POLR2J: variants seen among roughly 807,000 people sequenced by gnomAD.
POLR2J encodes the protein RNA polymerase II subunit J.
Under a neutral mutation model 13.4 loss-of-function variants are expected in POLR2J, and 12 were observed. The observed-to-expected ratio is 0.90, with a 90% CI of 0.57 to 1.45. The LOEUF is 1.45. Ranked by LOEUF, POLR2J falls within the 40% of genes most tolerant of loss-of-function variation. The pLI is 0.00. For synonymous variants in POLR2J, 31 were observed against 53.6 expected, an observed-to-expected ratio of 0.58 and a Z score of 1.84; for missense variants, 58 against 132.0, an observed-to-expected ratio of 0.44 and a Z score of 2.75.
At chr7:102,474,211 T>A in intron 3 of POLR2J, 150 bp downstream of exon 3, 1 of 1,555,868 alleles carries the variant, frequency 6.4e-7, no homozygotes, top group Non-Finnish European at 8.7e-7. Flanking sequence ...AGTCCACATG[T>A]CCTGGAGCCT....
In POLR2J at chr7:102,478,897, G is replaced by A. The variant is rs750309933; in HGVS notation, c.-37C>T. ...CGTTGCGTCCAGACCCCAAGGGTCC[G>A]CCGCCGCCGCCACCAGAGCCCTAAT... is the stretch of plus-strand genomic sequence containing the variant. On this transcript the variant is annotated 5_prime_UTR_variant, in exon 1 of 4. Transcript: ENST00000292614. The A allele has an allele frequency of 1.3e-5, 19 of 1,459,392 alleles. No individual in the cohort carries two copies. Among genetic ancestry groups the A allele is most frequent in the South Asian group, 1.3e-4 (11 of 84,726 alleles). 90.4% of individuals were successfully genotyped at this position (1,459,392 alleles called of 1,614,324 possible).
Position 102,473,385 on chromosome 7 carries a change from G to A in POLR2J, c.*264C>T, listed in dbSNP as rs941042257. 6.7e-6 allele frequency: 4 copies of A among 593,634 alleles called. No individual in the cohort carries two copies. In the South Asian group the frequency reaches 9.5e-5, roughly 14 times the overall value. The allele number at this position is 593,634 out of a possible 1,614,324, so 36.8% of individuals were successfully genotyped here. On this transcript the variant is annotated 3_prime_UTR_variant, in exon 4 of 4. Coordinates refer to ENST00000292614, the MANE Select transcript of POLR2J (RefSeq NM_006234.6). ...CTGCCAGCCGGACGCCCCTGAAACA[G>A]GTCATCTGCCTGCATCAAGCCTGAC... is the stretch of plus-strand genomic sequence containing the variant.
rs1447019241 is a variant in POLR2J, at chr7:102,473,261, C to T, written c.*388G>A. On this transcript the variant is annotated 3_prime_UTR_variant, in exon 4 of 4. Coordinates refer to ENST00000292614, the MANE Select transcript of POLR2J (RefSeq NM_006234.6). ...GGAGTTGAGGCTTCTAGAGCAGAGA[C>T]TCTTGGGAGCTCATGGGTTTGCACA... 8 of 635,384 alleles carry T rather than the reference C, an allele frequency of 1.3e-5. No individual in the cohort carries two copies. The highest frequency in any genetic ancestry group is 9.1e-5 in the Admixed American group (3 of 32,934). The allele number at this position is 635,384 out of a possible 1,614,324, so 39.4% of individuals were successfully genotyped here.
intron 1 of POLR2J, among the ~76,000 whole-genome samples, 176 bp downstream of exon 1, chr7:102,478,632 C>T (rs1445225872): frequency 6.6e-6 from 1 of 150,892 alleles, no homozygotes; most frequent in Admixed American, 6.6e-5. Context: ...TCATCTGCAA[C>T]ATGGACACAC....
rs775711511 is a variant in POLR2J at position 102,478,871 on chromosome 7, C to T, written c.-11G>A. On this transcript the variant is annotated 5_prime_UTR_variant, in exon 1 of 4. Transcript: ENST00000292614. ...TGGAGGGGCGTTCATGCTCCCGCCG[C>T]CGTTGCGTCCAGACCCCAAGGGTCC... 1 of 1,610,670 alleles carries T rather than the reference C, an allele frequency of 6.2e-7. No individual in the cohort carries two copies. Among genetic ancestry groups the T allele is most frequent in the Non-Finnish European group, 8.5e-7 (1 of 1,179,696 alleles).
intron 2 of POLR2J, among the ~76,000 whole-genome samples, chr7:102,475,759 TA>T (rs1586750930): frequency 1.3e-5 from 2 of 151,206 alleles, no homozygotes; most frequent in African/African-American, 4.8e-5. Flanking sequence ...CCATCTCTAC[TA>T]AAAACACAAA....
chr7:102,475,683 G>C (rs1798409023), intron 2 of POLR2J, among the ~76,000 whole-genome samples: 1 of 152,274 alleles, frequency 6.6e-6, no homozygotes, highest in Non-Finnish European at 1.5e-5. Context: ...CAGCACTTTG[G>C]GAAGCCGGCA....
At chr7:102,474,632 C>A (rs1368819784) in intron 2 of POLR2J, 97 bp from the exon 3 acceptor site, 2 of 1,343,044 alleles carry the variant, frequency 1.5e-6, no homozygotes, top group Non-Finnish European at 2.0e-6. Context: ...AGCCAAAAAT[C>A]CCCCCCAACT....
Sources: allele counts gnomAD v4.1 joint callset (sites outside exome capture counted in the v4.1 genomes callset), GRCh38; gene constraint gnomAD v4.1.1; transcripts MANE v1.5; gene names NCBI Gene and HGNC (gene_info 2026-07-23, HGNC 2026-07-21).